The following JAK1 variants were observed in gnomAD, a reference collection of about 807,000 sequenced individuals.
JAK1 encodes tyrosine-protein kinase JAK1.
A neutral mutation model predicts 136.6 loss-of-function variants in JAK1; 16 were observed. That is an observed-to-expected ratio of 0.12 (90% CI 0.08 to 0.18). The LOEUF (loss-of-function observed/expected upper bound fraction) is 0.18, where lower values mean the gene tolerates loss of function less well. JAK1 is among the 10% of genes least tolerant of loss of function. JAK1 has a pLI of 1.00. For synonymous variants in JAK1, 492 were observed against 519.5 expected, an observed-to-expected ratio of 0.95 and a Z score of 0.72; for missense variants, 859 against 1,450.1, an observed-to-expected ratio of 0.59 and a Z score of 6.62.
Position 64,890,603 on chromosome 1 carries a change from ATGT to A in JAK1, c.-77-4265_-77-4263del, listed in dbSNP as rs1319376643. On this transcript the variant is annotated intron_variant, in intron 1 of 24. Transcript: ENST00000342505. ...AGTCCAGCCTGGGCAATATGGCAAG[ATGT>A]TGTCTCTTTTTAAAAACAAACAACT... Among the ~76,000 whole-genome samples the A allele has an allele frequency of 3.3e-5, 5 of 152,206 alleles. No individual in the cohort carries two copies. The East Asian group carries it at 9.6e-4, about 29-fold the overall frequency.
At chr1:64,860,356 A>T (rs1656212252) in intron 8 of JAK1, 94 bp from the exon 9 acceptor site, 1 of 1,002,972 alleles carries the variant, frequency 1.0e-6, no homozygotes, top group Admixed American at 2.8e-5. Context: ...GAAGATTTTT[A>T]TAACCCAATG....
At chr1:64,884,519 T>C (rs145580185) in intron 2 of JAK1, among the ~76,000 whole-genome samples, 2 of 152,224 alleles carry the variant, frequency 1.3e-5, no homozygotes, top group South Asian at 2.1e-4. Flanking sequence ...CCCTGCTCCA[T>C]CATCTGGCCG....
At chr1:65,039,582 C>T (rs577165857) in intron 2 of JAK1, among the ~76,000 whole-genome samples, 2 of 152,262 alleles carry the variant, frequency 1.3e-5, no homozygotes, top group East Asian at 3.9e-4. Flanking sequence ...GACTCTTTTA[C>T]ACTATATTCT....
chr1:64,846,935 G>A, intron 13 of JAK1, 199 bp from the exon 14 acceptor site: 1 of 583,756 alleles, frequency 1.7e-6, no homozygotes, highest in Non-Finnish European at 3.1e-6. Flanking sequence ...TGGCAGGGAT[G>A]TGAGGTTTAT....
chr1:65,037,760 A>G (rs1647088168), intron 2 of JAK1, among the ~76,000 whole-genome samples: 1 of 152,106 alleles, frequency 6.6e-6, no homozygotes, highest in Non-Finnish European at 1.5e-5. Context: ...GCTACTCGGG[A>G]GGCTGAGGCA....
At chr1:64,912,174 C>T (rs1158148502) in intron 1 of JAK1, among the ~76,000 whole-genome samples, 3 of 152,090 alleles carry the variant, frequency 2.0e-5, no homozygotes, top group South Asian at 2.1e-4. Context: ...TCAGGGTCTC[C>T]GAGGCTGGAA....
intron 1 of JAK1, among the ~76,000 whole-genome samples, chr1:64,901,185 A>G (rs1193469530): frequency 6.6e-6 from 1 of 152,214 alleles, no homozygotes; most frequent in Non-Finnish European, 1.5e-5. Context: ...CTGTGTAAGA[A>G]GCAAATGTTT....
At chr1:65,003,317 A>T (rs1306933196) in intron 2 of JAK1, among the ~76,000 whole-genome samples, 1 of 151,888 alleles carries the variant, frequency 6.6e-6, no homozygotes, top group Non-Finnish European at 1.5e-5. Context: ...CTGGCCCGCC[A>T]GGTCTAGGTT....
intron 1 of JAK1, among the ~76,000 whole-genome samples, chr1:64,933,755 C>T (rs533023975): frequency 4.7e-4 from 72 of 152,334 alleles, no homozygotes; most frequent in Admixed American, 9.8e-4. Flanking sequence ...CTGTCTATTT[C>T]TGGCACCACA....
At chr1:64,985,930 CAGAG>C in intron 2 of JAK1, 1 of 869,880 alleles carries the variant, frequency 1.1e-6, no homozygotes, top group Non-Finnish European at 1.9e-6. Context: ...CACAACATCT[CAGAG>C]GGAGGGGTAT....
chr1:64,996,352 G>A (rs1315200161), intron 2 of JAK1, among the ~76,000 whole-genome samples: 3 of 152,078 alleles, frequency 2.0e-5, no homozygotes, highest in Non-Finnish European at 2.9e-5. Flanking sequence ...AATCCAGTGT[G>A]CACATTCTGT....
intron 2 of JAK1, among the ~76,000 whole-genome samples, chr1:65,029,364 T>A (rs1195466483): frequency 6.6e-6 from 1 of 152,184 alleles, no homozygotes; most frequent in Non-Finnish European, 1.5e-5. Flanking sequence ...CCTCCCAAAG[T>A]GCTGGGATTA....
At chr1:65,036,955 G>A (rs1201811847) in intron 2 of JAK1, among the ~76,000 whole-genome samples, 1 of 152,202 alleles carries the variant, frequency 6.6e-6, no homozygotes, top group East Asian at 1.9e-4. Context: ...GAGAGGCTGA[G>A]TCAGGTGGAT....
intron 8 of JAK1, among the ~76,000 whole-genome samples, chr1:64,861,516 C>G (rs182922371): frequency 6.6e-6 from 1 of 152,084 alleles, no homozygotes; most frequent in African/African-American, 2.4e-5. Context: ...CATTTCCTGG[C>G]AAGGGAAGGT....
intron 1 of JAK1, among the ~76,000 whole-genome samples, chr1:64,934,339 T>C (rs1645749986): frequency 6.6e-6 from 1 of 152,182 alleles, no homozygotes; most frequent in Non-Finnish European, 1.5e-5. Context: ...GAACCTCTTG[T>C]CACAGCTCTG....
chr1:64,904,410 G>A (rs1331156230), intron 1 of JAK1, among the ~76,000 whole-genome samples: 2 of 152,118 alleles, frequency 1.3e-5, no homozygotes, highest in Non-Finnish European at 2.9e-5. Flanking sequence ...GAAAATGAGG[G>A]TCCATAGTGA....
At chr1:65,029,417 G>T (rs182067364) in intron 2 of JAK1, among the ~76,000 whole-genome samples, 12 of 152,226 alleles carry the variant, frequency 7.9e-5, no homozygotes, top group Admixed American at 6.5e-4. Context: ...CCTTTTAAAA[G>T]TCTGTTATGC....
intron 1 of JAK1, among the ~76,000 whole-genome samples, chr1:64,925,886 C>T (rs1645575071): frequency 6.6e-6 from 1 of 152,188 alleles, no homozygotes; most frequent in African/African-American, 2.4e-5. Flanking sequence ...TATTTGCAAT[C>T]ACCTATAAAA....
intron 2 of JAK1, among the ~76,000 whole-genome samples, chr1:65,027,014 G>A (rs1360834180): frequency 1.3e-5 from 2 of 151,884 alleles, no homozygotes; most frequent in Admixed American, 1.3e-4. Context: ...TATTTGAGAT[G>A]GCCTGGGTAG....
Sources: gnomAD v4.1 joint callset for allele counts (sites outside exome capture counted in the v4.1 genomes callset) on GRCh38, gnomAD v4.1.1 for gene constraint, MANE v1.5 for transcripts, NCBI Gene and HGNC (gene_info 2026-07-23, HGNC 2026-07-21) for gene names.